The following FERMT2 variants were observed in gnomAD, a reference collection of about 807,000 sequenced individuals.
FERMT2 encodes fermitin family homolog 2.
A neutral mutation model predicts 82.7 loss-of-function variants in FERMT2; 15 were observed. The observed-to-expected ratio is 0.18, with a 90% confidence interval of 0.12 to 0.28. FERMT2 has a LOEUF of 0.28. FERMT2 is among the 10% of genes least tolerant of loss of function. The pLI is 1.00. For synonymous variants in FERMT2, 274 were observed against 271.5 expected, an observed-to-expected ratio of 1.01 and a Z score of -0.09; for missense variants, 645 against 809.4, an observed-to-expected ratio of 0.80 and a Z score of 2.46.
At chr14:52,912,391 T>C (rs191322823) in intron 3 of FERMT2, among the ~76,000 whole-genome samples, 1 of 152,308 alleles carries the variant, frequency 6.6e-6, no homozygotes, top group Admixed American at 6.5e-5. Flanking sequence ...TATGTAAATT[T>C]CTACCCATTA....
intron 3 of FERMT2, among the ~76,000 whole-genome samples, chr14:52,917,483 T>C (rs1888678733): frequency 1.3e-5 from 2 of 152,142 alleles, no homozygotes; most frequent in Non-Finnish European, 2.9e-5. Context: ...AATGGGAATT[T>C]GGTATTCTTT....
Position 52,872,906 on chromosome 14 carries a change from A to G in FERMT2, c.1166T>C (p.Leu389Pro). 1 of 1,613,864 alleles carries G rather than the reference A, an allele frequency of 6.2e-7. No homozygotes were observed. ...GCACCAATATTGTTTGTAACCTTTC[A>G]GAGTCAGCTTTTTTGGCCTATGTAT... ...IKVFKPKKLT[L>P]KGYKQYWCTF... Residue 389 changes from leucine (L) to proline (P), a missense_variant, in exon 10 of 15, where the codon CTG (leucine) becomes CCG (proline). Coordinates refer to ENST00000341590, the MANE Select transcript of FERMT2 (RefSeq NM_006832.3).
intron 2 of FERMT2, among the ~76,000 whole-genome samples, chr14:52,921,983 A>C (rs980181950): frequency 1.3e-5 from 2 of 152,130 alleles, no homozygotes; most frequent in African/African-American, 4.8e-5. Context: ...AAGGAGAAAA[A>C]GAGCTGTAAG....
intron 4 of FERMT2, among the ~76,000 whole-genome samples, chr14:52,892,370 G>A (rs1886989398): frequency 6.6e-6 from 1 of 151,744 alleles, no homozygotes; most frequent in South Asian, 2.1e-4. Flanking sequence ...TCAAATACCT[G>A]ACCTCAGGTG....
chr14:52,938,291 T>A (rs76154118), intron 2 of FERMT2, among the ~76,000 whole-genome samples: 1,930 of 152,318 alleles, frequency 0.013, 51 homozygotes, highest in African/African-American at 0.043. Context: ...ATCAGAATAC[T>A]GAAAATCACA....
intron 12 of FERMT2, 22 bp from the exon 13 acceptor site, chr14:52,860,487 C>T: frequency 6.3e-7 from 1 of 1,598,948 alleles, no homozygotes; most frequent in Non-Finnish European, 8.5e-7. Context: ...TAAACATCAC[C>T]TTTACCATTG....
chr14:52,906,368 T>G (rs550028533), intron 3 of FERMT2, among the ~76,000 whole-genome samples: 4 of 152,222 alleles, frequency 2.6e-5, no homozygotes, highest in Non-Finnish European at 5.9e-5. Flanking sequence ...ACCTCAGTAA[T>G]GAGGCTAAAT....
chr14:52,916,220 T>C (rs1023647072), intron 3 of FERMT2, among the ~76,000 whole-genome samples: 5 of 151,978 alleles, frequency 3.3e-5, no homozygotes, highest in Non-Finnish European at 7.4e-5. Context: ...GGCAGGTGCC[T>C]GTAATCCCAG....
chr14:52,949,384 A>G (rs1276528726), intron 2 of FERMT2, among the ~76,000 whole-genome samples: 1 of 145,408 alleles, frequency 6.9e-6, no homozygotes, highest in African/African-American at 2.5e-5. Flanking sequence ...TGTTTAAAAA[A>G]AAAAAGAAAA....
chr14:52,897,002 ACACACACAC>A (rs1887306169), intron 3 of FERMT2, among the ~76,000 whole-genome samples: 2 of 2,244 alleles, frequency 8.9e-4, no homozygotes, highest in Admixed American at 0.021. Flanking sequence ...CAAATAAAAC[ACACACACAC>A]ACACACACAC....
At chr14:52,883,018 A>AG (rs1886379060) in intron 4 of FERMT2, among the ~76,000 whole-genome samples, 1 of 151,974 alleles carries the variant, frequency 6.6e-6, no homozygotes, top group South Asian at 2.1e-4. Flanking sequence ...GCCAACATGG[A>AG]GAAACCCTGT....
At chr14:52,871,254 T>C (rs901342380) in intron 10 of FERMT2, among the ~76,000 whole-genome samples, 3 of 152,040 alleles carry the variant, frequency 2.0e-5, no homozygotes, top group African/African-American at 7.3e-5. Context: ...GTCTAGAAAG[T>C]GTATTTTAGT....
At chr14:52,931,008 G>A (rs1889541917) in intron 2 of FERMT2, among the ~76,000 whole-genome samples, 1 of 152,090 alleles carries the variant, frequency 6.6e-6, no homozygotes, top group Non-Finnish European at 1.5e-5. Flanking sequence ...GGGGCATCCT[G>A]CTTTTAGGAT....
intron 12 of FERMT2, among the ~76,000 whole-genome samples, chr14:52,862,424 T>C (rs1192122749): frequency 1.3e-5 from 2 of 151,980 alleles, no homozygotes; most frequent in Non-Finnish European, 2.9e-5. Flanking sequence ...TCCCAGTGCT[T>C]CGGGAGGCCA....
At chr14:52,862,377 G>A (rs2140055019) in intron 12 of FERMT2, among the ~76,000 whole-genome samples, 1 of 152,060 alleles carries the variant, frequency 6.6e-6, no homozygotes, top group East Asian at 2.0e-4. Context: ...CAATTTGTAA[G>A]TCTATTCCAG....
In FERMT2 at chr14:52,950,814, G is replaced by A. The variant is rs868186262; in HGVS notation, c.-10+107C>T. 7.3e-4 allele frequency: 279 copies of A among 381,142 alleles called. 1 individual carries two copies. The highest frequency in any genetic ancestry group is 9.7e-4 in the Non-Finnish European group (208 of 215,092). The allele number at this position is 381,142 out of a possible 1,614,324, so 23.6% of individuals were successfully genotyped here. ...CCACACCGTCCCCGCCTAGCGGACCGCGGAGGGCTTCACCTGCCGGCCGGC... is the reference window on the plus strand; with the variant it reads ...CCACACCGTCCCCGCCTAGCGGACCACGGAGGGCTTCACCTGCCGGCCGGC... On this transcript the variant is annotated intron_variant, in intron 1 of 14. Transcript: ENST00000341590.
chr14:52,887,792 TTAAC>T (rs1353992778), intron 4 of FERMT2, among the ~76,000 whole-genome samples: 2 of 150,338 alleles, frequency 1.3e-5, no homozygotes, highest in African/African-American at 5.0e-5. Context: ...CGAAAATTAC[TTAAC>T]TAAAGTTAAC....
chr14:52,901,989 T>C (rs1290044510), intron 3 of FERMT2, among the ~76,000 whole-genome samples: 1 of 152,046 alleles, frequency 6.6e-6, no homozygotes, highest in Non-Finnish European at 1.5e-5. Context: ...GAAAAATAAC[T>C]TATGAGAAAC....
chr14:52,925,623 AGTTT>A (rs1889222498), intron 2 of FERMT2, among the ~76,000 whole-genome samples: 1 of 149,334 alleles, frequency 6.7e-6, no homozygotes, highest in African/African-American at 2.5e-5. Flanking sequence ...TGTGTGAGGT[AGTTT>A]ATCTCGATGC....
Sources: allele counts gnomAD v4.1 joint callset (sites outside exome capture counted in the v4.1 genomes callset), GRCh38; gene constraint gnomAD v4.1.1; transcripts MANE v1.5; gene names NCBI Gene and HGNC (gene_info 2026-07-23, HGNC 2026-07-21).